The following TGFBR2 variants were observed in gnomAD, a reference collection of about 807,000 sequenced individuals.
TGFBR2 encodes the protein transforming growth factor beta receptor 2.
Under a neutral mutation model 49.0 loss-of-function variants are expected in TGFBR2, and 18 were observed. The observed-to-expected ratio is 0.37, with a 90% CI of 0.25 to 0.54. TGFBR2 has a LOEUF of 0.54. TGFBR2 is among the 20% of genes least tolerant of loss of function. The probability of loss-of-function intolerance (pLI) is 0.85; values close to 1 mark genes in which losing one functional copy is unlikely to be tolerated. For missense variants in TGFBR2, 525 were observed against 722.6 expected (o/e 0.73, Z 3.13); for synonymous variants, 282 against 275.9 (o/e 1.02, Z -0.22).
intron 3 of TGFBR2, among the ~76,000 whole-genome samples, chr3:30,660,685 A>T (rs1179087599): frequency 6.6e-6 from 1 of 152,208 alleles, no homozygotes; most frequent in African/African-American, 2.4e-5. Flanking sequence ...AAGAGGGGAT[A>T]TTATTTTGTT....
At chr3:30,612,834 A>G (rs933007529) in intron 1 of TGFBR2, among the ~76,000 whole-genome samples, 1 of 152,206 alleles carries the variant, frequency 6.6e-6, no homozygotes, top group Non-Finnish European at 1.5e-5. Context: ...GAAGGGGACA[A>G]TTTGAAAACT....
At chr3:30,642,546 C>T (rs370653499) in intron 1 of TGFBR2, among the ~76,000 whole-genome samples, 24 of 152,116 alleles carry the variant, frequency 1.6e-4, no homozygotes, top group African/African-American at 5.3e-4. Flanking sequence ...TTGATAACCA[C>T]CAATCTAAGC....
chr3:30,636,236 C>A (rs1015831709), intron 1 of TGFBR2, among the ~76,000 whole-genome samples: 1 of 151,046 alleles, frequency 6.6e-6, no homozygotes, highest in East Asian at 2.0e-4. Flanking sequence ...CCACCGCACC[C>A]GGCCCGTACT....
At chr3:30,638,121 A>G (rs1462991169) in intron 1 of TGFBR2, among the ~76,000 whole-genome samples, 1 of 152,232 alleles carries the variant, frequency 6.6e-6, no homozygotes, top group Non-Finnish European at 1.5e-5. Context: ...CTCTGGTGAT[A>G]TGATCAGGAA....
Position 30,650,436 on chromosome 3 carries a change from A to C in TGFBR2, c.430A>C (p.Asn144His), listed in dbSNP as rs759498108. The C allele has an allele frequency of 6.2e-7, 1 of 1,613,912 alleles. No individual in the cohort carries two copies. The highest frequency in any genetic ancestry group is 2.2e-5 in the East Asian group (1 of 44,882). Residue 144 changes from asparagine to histidine, a missense_variant, in exon 3 of 7, where the codon AAT becomes CAT. Around this residue, in one of 3 missense-constraint regions of TGFBR2, gnomAD observed 376 missense variants for 478.2 expected, o/e 0.79. Coordinates refer to ENST00000295754, the MANE Select transcript of TGFBR2 (RefSeq NM_003242.6). ...GTGTTCCTGTAGCTCTGATGAGTGC[A>C]ATGACAACATCATCTTCTCAGAAGG... ...FMCSCSSDEC[N>H]DNIIFSEEYN...
intron 3 of TGFBR2, among the ~76,000 whole-genome samples, chr3:30,650,796 G>T (rs926224302): frequency 6.6e-6 from 1 of 152,200 alleles, no homozygotes; most frequent in African/African-American, 2.4e-5. Context: ...CCCACTAAAT[G>T]AGAAACATAG....
At chr3:30,668,853 C>A (rs1174100588) in intron 3 of TGFBR2, among the ~76,000 whole-genome samples, 2 of 151,752 alleles carry the variant, frequency 1.3e-5, no homozygotes, top group Non-Finnish European at 2.9e-5. Context: ...AGATTTTCAT[C>A]TAGAATATAT....
chr3:30,634,571 A>G (rs552829211), intron 1 of TGFBR2, among the ~76,000 whole-genome samples: 19 of 152,324 alleles, frequency 1.2e-4, no homozygotes, highest in Admixed American at 8.5e-4. Flanking sequence ...TTTTGCTGGT[A>G]AGTAACAAAT....
At chr3:30,622,986 T>A (rs534388368) in intron 1 of TGFBR2, among the ~76,000 whole-genome samples, 55 of 151,680 alleles carry the variant, frequency 3.6e-4, no homozygotes, top group Admixed American at 1.3e-4. Context: ...AATTTCAGTA[T>A]GATTGAGACA....
chr3:30,636,086 A>G (rs1247087065), intron 1 of TGFBR2, among the ~76,000 whole-genome samples: 3 of 151,886 alleles, frequency 2.0e-5, no homozygotes, highest in Non-Finnish European at 4.4e-5. Context: ...TGTGGAGAGT[A>G]TCCCAGACAT....
intron 5 of TGFBR2, among the ~76,000 whole-genome samples, chr3:30,684,206 G>T (rs1293874950): frequency 2.0e-5 from 3 of 151,944 alleles, no homozygotes; most frequent in Admixed American, 6.6e-5. Flanking sequence ...TAACTGAGAG[G>T]CACATGTATA....
At chr3:30,686,179 T>C (rs1374285750) in intron 5 of TGFBR2, among the ~76,000 whole-genome samples, 2 of 152,240 alleles carry the variant, frequency 1.3e-5, no homozygotes, top group African/African-American at 4.8e-5. Flanking sequence ...TATTAAATTC[T>C]TACTACGTAT....
chr3:30,657,458 T>G (rs969258535), intron 3 of TGFBR2, among the ~76,000 whole-genome samples: 2 of 152,216 alleles, frequency 1.3e-5, no homozygotes, highest in African/African-American at 4.8e-5. Context: ...CCCTGCTGAT[T>G]GCCTGTGTTC....
chr3:30,670,434 C>G (rs562896268), intron 3 of TGFBR2, among the ~76,000 whole-genome samples: 4 of 152,316 alleles, frequency 2.6e-5, no homozygotes, highest in African/African-American at 9.6e-5. Context: ...ATGAATGATT[C>G]TAGGATCTGA....
intron 3 of TGFBR2, among the ~76,000 whole-genome samples, chr3:30,651,753 T>C (rs373299267): frequency 6.6e-6 from 1 of 152,230 alleles, no homozygotes; most frequent in Non-Finnish European, 1.5e-5. Context: ...TATTTTAAAT[T>C]TGAATAAGCA....
In TGFBR2 at chr3:30,674,101, A is replaced by T. The variant is rs773834537; in HGVS notation, c.1255-4A>T. ...ATGGGCCTCACTGTCTGTTTTTGCT[A>T]TAGGTGGGAACTGCAAGATACATGG... On this transcript the variant is annotated splice_region_variant and splice_polypyrimidine_tract_variant and intron_variant, in intron 4 of 6. Coordinates refer to ENST00000295754, the MANE Select transcript of TGFBR2 (RefSeq NM_003242.6). The T allele has an allele frequency of 6.2e-7, 1 of 1,614,116 alleles. No individual in the cohort carries two copies. Among genetic ancestry groups the T allele is most frequent in the Non-Finnish European group, 8.5e-7 (1 of 1,180,010 alleles).
At chr3:30,664,391 A>T (rs962177960) in intron 3 of TGFBR2, among the ~76,000 whole-genome samples, 7 of 152,074 alleles carry the variant, frequency 4.6e-5, no homozygotes, top group Non-Finnish European at 1.0e-4. Context: ...AATTCTGAAA[A>T]TTTCCAGTCA....
rs150669594 is a variant in TGFBR2 at position 30,693,015 on chromosome 3, G to C, written c.*1416G>C. ...AATCTGCACCTAACCAAGGTCCCTT[G>C]TAAGAAATGTCCATTCAAGCAGTCA... On this transcript the variant is annotated 3_prime_UTR_variant, in exon 7 of 7. Transcript: ENST00000295754. The C allele has an allele frequency of 4.3e-6, 1 of 233,184 alleles. No homozygotes were observed. The highest frequency in any genetic ancestry group is 2.2e-5 in the African/African-American group (1 of 45,428). The allele number at this position is 233,184 out of a possible 1,614,324, so 14.4% of individuals were successfully genotyped here. A position where few individuals can be genotyped will look rare whatever the true frequency, so the allele number is the denominator to read the frequency against.
chr3:30,648,741 C>T (rs773418917), intron 2 of TGFBR2, among the ~76,000 whole-genome samples: 1 of 152,058 alleles, frequency 6.6e-6, no homozygotes, highest in Non-Finnish European at 1.5e-5. Context: ...CCTTGAGCCC[C>T]TTCACAAGCA....
Sources: allele counts gnomAD v4.1 joint callset (sites outside exome capture counted in the v4.1 genomes callset), GRCh38; gene constraint gnomAD v4.1.1; regional missense constraint gnomAD v4.1.1; transcripts MANE v1.5; gene names NCBI Gene and HGNC (gene_info 2026-07-23, HGNC 2026-07-21).